The following WDSUB1 variants were observed in gnomAD, a reference collection of about 807,000 sequenced individuals.
The protein encoded by WDSUB1 is WD repeat, sterile alpha motif and U-box domain containing 1, also known as WD repeat, SAM and U-box domain-containing protein 1.
WDSUB1 carries 49 observed loss-of-function variants against 53.9 expected under a neutral mutation model. The observed-to-expected ratio is 0.91, with a 90% confidence interval of 0.72 to 1.15. WDSUB1 has a LOEUF of 1.15. Ranked by LOEUF, WDSUB1 falls within the 50% of genes most tolerant of loss-of-function variation. WDSUB1 has a pLI of 0.00. For synonymous variants in WDSUB1, 194 were observed against 200.6 expected, an observed-to-expected ratio of 0.97 and a Z score of 0.28; for missense variants, 514 against 562.0, an observed-to-expected ratio of 0.91 and a Z score of 0.86.
At chr2:159,240,996 A>G (rs55853548) in intron 10 of WDSUB1, among the ~76,000 whole-genome samples, 76,543 of 151,996 alleles carry the variant, frequency 0.5, 20,010 homozygotes, top group Non-Finnish European at 0.55. Flanking sequence ...AACTAGTGAA[A>G]GGCATGAAAG....
intron 5 of WDSUB1, among the ~76,000 whole-genome samples, chr2:159,264,959 C>T (rs2061306783): frequency 1.3e-5 from 2 of 151,888 alleles, no homozygotes; most frequent in South Asian, 2.1e-4. Context: ...TCGCGGGCAC[C>T]TGTAATCCCA....
chr2:159,269,262 T>C (rs1054646961), intron 5 of WDSUB1, among the ~76,000 whole-genome samples: 1 of 150,538 alleles, frequency 6.6e-6, no homozygotes, highest in African/African-American at 2.5e-5. Context: ...CCTCCACCTC[T>C]TGGGTTCAAG....
At chr2:159,245,248 C>A (rs147405594) in intron 10 of WDSUB1, among the ~76,000 whole-genome samples, 2 of 152,078 alleles carry the variant, frequency 1.3e-5, no homozygotes, top group African/African-American at 2.4e-5. Flanking sequence ...ATAAAGCAGC[C>A]GGACACCGTG....
At chr2:159,236,796 T>G (rs1030346249) in intron 10 of WDSUB1, among the ~76,000 whole-genome samples, 2 of 152,112 alleles carry the variant, frequency 1.3e-5, no homozygotes, top group African/African-American at 4.8e-5. Context: ...TGGCTAATGT[T>G]TTGTATTTTT....
In WDSUB1 at chr2:159,237,646, A is replaced by G. The variant is rs950202077; in HGVS notation, c.1274-1456T>C. On this transcript the variant is annotated intron_variant, in intron 10 of 10. Transcript: ENST00000359774. ...ATGTGTAATCCATTTTCAAATATGT[A>G]TATGTGCACACAGTACATATACATT... is the stretch of plus-strand genomic sequence containing the variant. 7.9e-5 allele frequency among the ~76,000 whole-genome samples: 12 copies of G among 152,338 alleles called. No individual in the cohort carries two copies. The East Asian group carries it at 1.5e-3, about 20-fold the overall frequency.
intron 6 of WDSUB1, 142 bp from the exon 7 acceptor site, chr2:159,258,127 A>G (rs557142811): frequency 4.5e-5 from 32 of 714,680 alleles, no homozygotes; most frequent in Non-Finnish European, 6.8e-5. Flanking sequence ...AACTTTACTC[A>G]ATGAATAGCA....
rs2060468895 is a variant in WDSUB1, at chr2:159,236,001, C to T, written c.*32G>A. ...CCTATAAATCATTCAAATGAGATCA[C>T]TGAAAATATAAATAATACAATATCA... On this transcript the variant is annotated 3_prime_UTR_variant, in exon 11 of 11. Transcript: ENST00000359774. The T allele has an allele frequency of 6.4e-7, 1 of 1,555,904 alleles. No homozygotes were observed. Among genetic ancestry groups the T allele is most frequent in the East Asian group, 2.3e-5 (1 of 44,074 alleles).
At chr2:159,241,712 C>CTT (rs1180259583) in intron 10 of WDSUB1, among the ~76,000 whole-genome samples, 3 of 95,994 alleles carry the variant, frequency 3.1e-5, no homozygotes, top group South Asian at 2.7e-4. Context: ...GGGATGTTTT[C>CTT]TTTTTTCTTT....
intron 8 of WDSUB1, among the ~76,000 whole-genome samples, 163 bp downstream of exon 8, chr2:159,257,595 C>T (rs143101860): frequency 1.1e-4 from 16 of 152,038 alleles, no homozygotes; most frequent in African/African-American, 3.6e-4. Context: ...ACCATGTTGG[C>T]CAGGCTGGTC....
At chr2:159,283,551 A>G (rs866562411) in intron 1 of WDSUB1, among the ~76,000 whole-genome samples, 1 of 144,188 alleles carries the variant, frequency 6.9e-6, no homozygotes, top group African/African-American at 2.5e-5. Context: ...CTTGGGTGAC[A>G]GAGCGAAACT....
chr2:159,274,498 G>A (rs1253244863), intron 4 of WDSUB1, among the ~76,000 whole-genome samples: 1 of 152,162 alleles, frequency 6.6e-6, no homozygotes, highest in African/African-American at 2.4e-5. Flanking sequence ...CTGACTGACT[G>A]TATACAGACC....
At chr2:159,255,946 T>C (rs546921878) in intron 9 of WDSUB1, among the ~76,000 whole-genome samples, 1 of 152,276 alleles carries the variant, frequency 6.6e-6, no homozygotes, top group Non-Finnish European at 1.5e-5. Flanking sequence ...ATGGATCTGA[T>C]CAGACATTTC....
At chr2:159,274,893 A>C (rs909516162) in intron 4 of WDSUB1, among the ~76,000 whole-genome samples, 2 of 152,364 alleles carry the variant, frequency 1.3e-5, no homozygotes, top group African/African-American at 2.4e-5. Context: ...AAAGGACACT[A>C]TGAAAAGAAA....
chr2:159,283,223 G>C (rs80084430), intron 1 of WDSUB1, 130 bp from the exon 2 acceptor site: 3 of 778,308 alleles, frequency 3.9e-6, no homozygotes, highest in Non-Finnish European at 5.9e-6. Context: ...TTAAAGCAGT[G>C]GTCCCCACCT....
chr2:159,261,892 ATATATTTTTTTTTTTTTTTTTTTTTTTT>A (rs2061231571), intron 5 of WDSUB1, among the ~76,000 whole-genome samples: 1 of 13,264 alleles, frequency 7.5e-5, no homozygotes, highest in Non-Finnish European at 1.1e-4. Context: ...ATATATATAT[ATATATTTTTTTTTTTTTTTTTTTTTTTT>A]TTTTTTTTTA....
chr2:159,285,763 C>CT (rs1378264217), intron 1 of WDSUB1, among the ~76,000 whole-genome samples: 4 of 152,204 alleles, frequency 2.6e-5, no homozygotes, highest in South Asian at 2.1e-4. Flanking sequence ...TCATCTTATC[C>CT]TTTTAGGATA....
At position 159,257,775 on chromosome 2, in the gene WDSUB1, A is replaced by G; in HGVS notation, c.935T>C (p.Leu312Pro). The change falls in exon 8 of 11, where the codon CTG becomes CCG. Residue 312 changes from leucine to proline, a missense_variant. Transcript: ENST00000359774. The stretch of plus-strand genomic sequence containing the variant: ...TTACTAACCTTGGCAAAGTGTTTCC[A>G]GGTCAAATTGCCAGATGTTCACTGT... ...DKTVNIWQFD[L>P]ETLCQARRTE... 6.2e-7 allele frequency: 1 copy of G among 1,614,070 alleles called. No homozygotes were observed. Among genetic ancestry groups the G allele is most frequent in the Non-Finnish European group, 8.5e-7 (1 of 1,179,918 alleles).
At chr2:159,281,773 C>G (rs1052045442) in intron 2 of WDSUB1, among the ~76,000 whole-genome samples, 2 of 152,130 alleles carry the variant, frequency 1.3e-5, no homozygotes, top group Admixed American at 6.6e-5. Context: ...GTCAGGAGTT[C>G]AAGAGCAGCC....
chr2:159,256,423 T>C, intron 8 of WDSUB1, 48 bp from the exon 9 acceptor site: 2 of 1,541,356 alleles, frequency 1.3e-6, no homozygotes, highest in Non-Finnish European at 1.8e-6. Context: ...AGTATTTCCT[T>C]TATAAACATT....
Sources: allele counts gnomAD v4.1 joint callset (sites outside exome capture counted in the v4.1 genomes callset), GRCh38; gene constraint gnomAD v4.1.1; transcripts MANE v1.5; gene names NCBI Gene and HGNC (gene_info 2026-07-23, HGNC 2026-07-21).